The following IL1RAPL1 variants were observed in gnomAD, a reference collection of about 807,000 sequenced individuals.
IL1RAPL1 encodes interleukin-1 receptor accessory protein-like 1.
A neutral mutation model predicts 48.4 loss-of-function variants in IL1RAPL1; 3 were observed. The ratio of observed to expected loss-of-function variants is 0.06; its 90% CI spans 0.03 to 0.16. The LOEUF (loss-of-function observed/expected upper bound fraction) is 0.16, where lower values mean the gene tolerates loss of function less well. Among genes scored for constraint, IL1RAPL1 ranks in the 10% least tolerant of loss-of-function variants. The probability of loss-of-function intolerance (pLI) is 1.00; values close to 1 mark genes in which losing one functional copy is unlikely to be tolerated. For synonymous variants in IL1RAPL1, 185 were observed against 187.7 expected, an observed-to-expected ratio of 0.99 and a Z score of 0.12; for missense variants, 349 against 530.6, an observed-to-expected ratio of 0.66 and a Z score of 3.36.
chrX:29,415,740 C>T (rs1311919208), intron 5 of IL1RAPL1, among the ~76,000 whole-genome samples: 1 of 112,472 alleles, frequency 8.9e-6, no homozygotes, highest in East Asian at 2.8e-4. Context: ...TTTATATATA[C>T]AGCTCTTATA....
intron 5 of IL1RAPL1, 71 bp downstream of exon 5, chrX:29,399,379 C>A: frequency 1.1e-6 from 1 of 879,255 alleles, no homozygotes; most frequent in Non-Finnish European, 1.7e-6. Context: ...TTATGCTACA[C>A]ATTGATATTT....
At chrX:29,623,046 G>A (rs893717143) in intron 5 of IL1RAPL1, among the ~76,000 whole-genome samples, 7 of 107,778 alleles carry the variant, frequency 6.5e-5, no homozygotes, top group East Asian at 2.9e-4. Context: ...CGAGGCGGGC[G>A]GATCACGAGG....
intron 2 of IL1RAPL1, among the ~76,000 whole-genome samples, chrX:29,055,431 G>A (rs1463972480): frequency 9.0e-6 from 1 of 111,489 alleles, no homozygotes; most frequent in Non-Finnish European, 1.9e-5. Flanking sequence ...TGAAAATGTA[G>A]CCACGTTCCT....
Position 29,559,357 on chromosome X carries a change from C to T in IL1RAPL1, c.704-109073C>T, listed in dbSNP as rs576079896. Among the ~76,000 whole-genome samples, 6 of 111,584 alleles carry T rather than the reference C, an allele frequency of 5.4e-5. No individual in the cohort carries two copies. The South Asian group carries it at 1.8e-3, about 34-fold the overall frequency. ...GTGAAATGATTTTGTAAGTATTACC[C>T]GCTTTTCAAGTTTTTGGAAAAGTTA... On this transcript the variant is annotated intron_variant, in intron 5 of 10. Coordinates refer to ENST00000378993, the MANE Select transcript of IL1RAPL1 (RefSeq NM_014271.4).
chrX:28,933,687 A>G (rs1324420831), intron 2 of IL1RAPL1, among the ~76,000 whole-genome samples: 2 of 111,350 alleles, frequency 1.8e-5, no homozygotes, highest in Non-Finnish European at 3.8e-5. Flanking sequence ...AGGAAAGTAA[A>G]GGATTGAAGA....
chrX:28,796,329 A>G (rs1185712240), intron 2 of IL1RAPL1, among the ~76,000 whole-genome samples: 3 of 111,547 alleles, frequency 2.7e-5, no homozygotes, highest in East Asian at 5.7e-4. Context: ...CAAAGTCTTC[A>G]CTCATTTCAG....
chrX:29,024,121 C>A (rs1042145378), intron 2 of IL1RAPL1, among the ~76,000 whole-genome samples: 1 of 111,536 alleles, frequency 9.0e-6, no homozygotes, highest in Non-Finnish European at 1.9e-5. Context: ...TTTCTCAAAC[C>A]ACACAGATAA....
At chrX:29,739,509 A>T (rs142331514) in intron 6 of IL1RAPL1, among the ~76,000 whole-genome samples, 3,213 of 111,680 alleles carry the variant, frequency 0.029, 106 homozygotes, top group African/African-American at 0.099. Context: ...ATGGAAACAT[A>T]TGTATAACAC....
intron 6 of IL1RAPL1, among the ~76,000 whole-genome samples, chrX:29,759,903 T>A (rs1443187105): frequency 9.0e-6 from 1 of 111,620 alleles, no homozygotes; most frequent in Non-Finnish European, 1.9e-5. Context: ...TAATGGCCAG[T>A]TATTTACCAC....
At chrX:29,398,249 A>G (rs1448135238) in intron 4 of IL1RAPL1, among the ~76,000 whole-genome samples, 3 of 112,358 alleles carry the variant, frequency 2.7e-5, no homozygotes, top group Admixed American at 9.4e-5. Flanking sequence ...AAATAACACG[A>G]AAATTGCCCC....
chrX:29,802,293 T>A (rs1269288345), intron 6 of IL1RAPL1, among the ~76,000 whole-genome samples: 1 of 112,262 alleles, frequency 8.9e-6, no homozygotes, highest in African/African-American at 3.2e-5. Flanking sequence ...GATTTTTAGA[T>A]GAGAAAGTAA....
intron 2 of IL1RAPL1, among the ~76,000 whole-genome samples, chrX:29,020,530 T>G (rs898159113): frequency 3.6e-5 from 4 of 112,258 alleles, no homozygotes; most frequent in Non-Finnish European, 7.5e-5. Context: ...GTATTCTCTG[T>G]GATATTCACA....
intron 2 of IL1RAPL1, among the ~76,000 whole-genome samples, chrX:29,243,877 G>A (rs933641129): frequency 1.8e-5 from 2 of 111,267 alleles, no homozygotes; most frequent in Admixed American, 9.6e-5. Context: ...CATAGGAAGA[G>A]AAGGATTGCA....
intron 6 of IL1RAPL1, among the ~76,000 whole-genome samples, chrX:29,743,871 G>A (rs185778372): frequency 8.9e-6 from 1 of 112,271 alleles, no homozygotes; most frequent in Non-Finnish European, 1.9e-5. Context: ...CATTATTGGA[G>A]CAGATTGCCT....
intron 2 of IL1RAPL1, among the ~76,000 whole-genome samples, chrX:29,082,483 G>A (rs1212729746): frequency 8.9e-6 from 1 of 112,059 alleles, no homozygotes; most frequent in African/African-American, 3.2e-5. Context: ...AAACAGGATA[G>A]GATTACAGTA....
intron 2 of IL1RAPL1, among the ~76,000 whole-genome samples, chrX:29,118,696 A>G (rs1452740262): frequency 8.9e-6 from 1 of 111,777 alleles, no homozygotes; most frequent in Non-Finnish European, 1.9e-5. Flanking sequence ...TATATAGTCT[A>G]GAACAATATA....
At chrX:28,694,140 C>T (rs1286940869) in intron 1 of IL1RAPL1, among the ~76,000 whole-genome samples, 4 of 111,337 alleles carry the variant, frequency 3.6e-5, no homozygotes, top group Non-Finnish European at 5.7e-5. Context: ...ATTTGACTCT[C>T]GCTACCCAGG....
intron 5 of IL1RAPL1, among the ~76,000 whole-genome samples, chrX:29,636,639 C>A (rs777412158): frequency 7.1e-5 from 8 of 112,089 alleles, no homozygotes; most frequent in African/African-American, 2.6e-4. Flanking sequence ...TATACTGTCA[C>A]CCTCTGTATG....
In IL1RAPL1 at chrX:29,535,098, A is replaced by T. The variant is rs779895791; in HGVS notation, c.704-133332A>T. Among the ~76,000 whole-genome samples the T allele has an allele frequency of 1.2e-4, 11 of 92,089 alleles. No homozygotes were observed. The South Asian group carries it at 6.8e-3, about 57-fold the overall frequency. 80.0% of individuals were successfully genotyped at this position (92,089 alleles called of 115,157 possible). ...GCAGTGAGTCAAGATTATGGCACTG[A>T]ACTCCAGCCTGGGCAATGGAGTCAG... On this transcript the variant is annotated intron_variant, in intron 5 of 10. Coordinates refer to ENST00000378993, the MANE Select transcript of IL1RAPL1 (RefSeq NM_014271.4).
Sources: allele counts gnomAD v4.1 joint callset (sites outside exome capture counted in the v4.1 genomes callset), GRCh38; gene constraint gnomAD v4.1.1; transcripts MANE v1.5; gene names NCBI Gene and HGNC (gene_info 2026-07-23, HGNC 2026-07-21).